CSMD1: variants seen among roughly 807,000 people sequenced by gnomAD.
CSMD1 encodes CUB and sushi domain-containing protein 1.
A neutral mutation model predicts 417.5 loss-of-function variants in CSMD1; 213 were observed. That is an observed-to-expected ratio of 0.51 (90% CI 0.46 to 0.57). CSMD1 has a LOEUF of 0.57. Among genes scored for constraint, CSMD1 ranks in the 20% least tolerant of loss-of-function variants. CSMD1 has a pLI of 0.00. For missense variants in CSMD1, 6,923 were observed against 4,529.7 expected (o/e 1.53, Z -15.17); for synonymous variants, 2,862 against 1,736.8 (o/e 1.65, Z -16.11).
rs188558295 is a variant in CSMD1 at position 4,425,603 on chromosome 8, T to C, written c.303-5538A>G. 1.6e-3 allele frequency among the ~76,000 whole-genome samples: 246 copies of C among 152,236 alleles called. 1 individual carries two copies. The highest frequency in any genetic ancestry group is 5.7e-3 in the African/African-American group (236 of 41,552). On this transcript the variant is annotated intron_variant, in intron 2 of 69. Transcript: ENST00000635120. ...TCCTGAAGACATGAAAGTACTTCTG[T>C]GAGTATCCTTTCCATGAGGGCCCTT...
chr8:3,149,262 T>C (rs77049448), intron 40 of CSMD1, among the ~76,000 whole-genome samples: 10,383 of 152,262 alleles, frequency 0.068, 467 homozygotes, highest in Middle Eastern at 0.12. Flanking sequence ...AATAGTAACA[T>C]TGGAAAAATA....
At chr8:4,228,906 T>C (rs1801531793) in intron 3 of CSMD1, among the ~76,000 whole-genome samples, 2 of 152,072 alleles carry the variant, frequency 1.3e-5, no homozygotes, top group African/African-American at 4.8e-5. Context: ...GGTCTTGAAC[T>C]CCTGACTGCC....
chr8:3,111,054 T>G (rs907144013), intron 42 of CSMD1, among the ~76,000 whole-genome samples: 2 of 152,174 alleles, frequency 1.3e-5, no homozygotes, highest in Non-Finnish European at 2.9e-5. Context: ...ATTCATATAG[T>G]GCATCAAAGT....
chr8:4,028,062 T>G (rs1380117560), intron 4 of CSMD1, among the ~76,000 whole-genome samples: 3 of 152,202 alleles, frequency 2.0e-5, no homozygotes, highest in East Asian at 3.9e-4. Context: ...CACCACTGTT[T>G]TGACAACATA....
intron 2 of CSMD1, among the ~76,000 whole-genome samples, chr8:4,582,138 G>A (rs1273586951): frequency 2.6e-5 from 4 of 151,950 alleles, no homozygotes; most frequent in Non-Finnish European, 1.5e-5. Context: ...AGCACATGAG[G>A]AATAATCCTT....
At position 3,288,477 on chromosome 8, in the gene CSMD1, C is replaced by T. The variant is rs563547668; in HGVS notation, c.3951-4131G>A. On this transcript the variant is annotated intron_variant, in intron 25 of 69. Coordinates refer to ENST00000635120, the MANE Select transcript of CSMD1 (RefSeq NM_033225.6). ...TACTGATTATTGCCTCAATTTCAGA[C>T]CCTGTTATTGGTCTATTCAGAGATT... Among the ~76,000 whole-genome samples, 77 of 146,906 alleles carry T rather than the reference C, an allele frequency of 5.2e-4. 2 individuals carry two copies. The highest frequency in any genetic ancestry group is 5.7e-4 in the Non-Finnish European group (39 of 67,940).
chr8:4,209,738 G>C (rs945271202), intron 3 of CSMD1, among the ~76,000 whole-genome samples: 1 of 152,168 alleles, frequency 6.6e-6, no homozygotes, highest in Non-Finnish European at 1.5e-5. Context: ...CAGATGTCCT[G>C]CTCCTAGCAC....
intron 3 of CSMD1, among the ~76,000 whole-genome samples, chr8:4,343,318 G>T (rs760141831): frequency 2.0e-5 from 3 of 152,084 alleles, no homozygotes; most frequent in East Asian, 1.9e-4. Flanking sequence ...CAAAATTTTA[G>T]TAAGAGAATG....
intron 3 of CSMD1, among the ~76,000 whole-genome samples, chr8:4,333,825 G>C (rs963784644): frequency 6.6e-6 from 1 of 152,084 alleles, no homozygotes; most frequent in African/African-American, 2.4e-5. Context: ...TATTCTCTAT[G>C]CTTCTCATTA....
intron 23 of CSMD1, among the ~76,000 whole-genome samples, chr8:3,340,135 A>C (rs984332178): frequency 6.6e-6 from 1 of 152,184 alleles, no homozygotes; most frequent in Non-Finnish European, 1.5e-5. Flanking sequence ...CGTTGAAAAT[A>C]AGTTCATCAG....
chr8:4,855,596 C>T lies in CSMD1; in HGVS notation c.85+138736G>A, dbSNP rs183217896. 1.3e-3 allele frequency among the ~76,000 whole-genome samples: 194 copies of T among 152,196 alleles called. No individual in the cohort carries two copies. In the East Asian group the frequency reaches 0.022, roughly 17 times the overall value. On this transcript the variant is annotated intron_variant, in intron 1 of 69. Coordinates refer to ENST00000635120, the MANE Select transcript of CSMD1 (RefSeq NM_033225.6). ...GAGCTGATGGAGCTGAAAACCAAGG[C>T]GCGAGAACTACGTGAAGAATGCAGA... is the stretch of plus-strand genomic sequence containing the variant.
chr8:3,507,005 A>T (rs1190251445), intron 10 of CSMD1, among the ~76,000 whole-genome samples: 1 of 152,232 alleles, frequency 6.6e-6, no homozygotes, highest in Admixed American at 6.5e-5. Context: ...ATACATTTTC[A>T]TACAAGATGT....
At chr8:4,416,413 T>A (rs900261052) in intron 3 of CSMD1, among the ~76,000 whole-genome samples, 1 of 152,276 alleles carries the variant, frequency 6.6e-6, no homozygotes, top group African/African-American at 2.4e-5. Context: ...GAAGTCCATG[T>A]ATGATTTCCC....
chr8:4,518,313 G>T (rs1803235827), intron 2 of CSMD1, among the ~76,000 whole-genome samples: 1 of 152,016 alleles, frequency 6.6e-6, no homozygotes, highest in Non-Finnish European at 1.5e-5. Flanking sequence ...AAAGCGCAAA[G>T]CTTCCATCTT....
At chr8:3,135,347 C>G (rs1483573924) in intron 41 of CSMD1, among the ~76,000 whole-genome samples, 1 of 152,220 alleles carries the variant, frequency 6.6e-6, no homozygotes, top group Non-Finnish European at 1.5e-5. Flanking sequence ...ATCACTGTTC[C>G]ATGGCATATG....
chr8:4,162,681 C>A (rs996460452), intron 3 of CSMD1, among the ~76,000 whole-genome samples: 5 of 152,144 alleles, frequency 3.3e-5, no homozygotes, highest in African/African-American at 1.2e-4. Flanking sequence ...CACAGAGCCT[C>A]CCCAACTATC....
intron 7 of CSMD1, chr8:3,704,686 T>C (rs1176989925): frequency 6.6e-6 from 1 of 152,248 alleles, no homozygotes; most frequent in Non-Finnish European, 1.5e-5. Flanking sequence ...CCCTTAATTT[T>C]CTTGGTCATG....
At chr8:3,110,420 A>G in intron 42 of CSMD1, 85 bp from the exon 43 acceptor site, 1 of 1,162,736 alleles carries the variant, frequency 8.6e-7, no homozygotes, top group Non-Finnish European at 1.2e-6. Context: ...AAAGTACCTT[A>G]GCCAACATTT....
intron 9 of CSMD1, among the ~76,000 whole-genome samples, chr8:3,578,290 A>T (rs80296165): frequency 0.069 from 10,214 of 148,204 alleles, 586 homozygotes; most frequent in Admixed American, 0.15. Flanking sequence ...TGAGCTTTGT[A>T]CTGAGTAGAT....
Sources: allele counts gnomAD v4.1 joint callset (sites outside exome capture counted in the v4.1 genomes callset), GRCh38; gene constraint gnomAD v4.1.1; transcripts MANE v1.5; gene names NCBI Gene and HGNC (gene_info 2026-07-23, HGNC 2026-07-21).